Variants in MAP3K20 observed in about 807,000 individuals in gnomAD.
The protein encoded by MAP3K20 is HCCS-4.
In MAP3K20, 40 loss-of-function variants were observed where a neutral mutation model predicts 85.7. The observed-to-expected ratio is 0.47, with a 90% confidence interval of 0.36 to 0.61. MAP3K20 has a LOEUF of 0.61. MAP3K20 is among the 20% of genes least tolerant of loss of function. The pLI is 0.00. For synonymous variants in MAP3K20, 325 were observed against 327.7 expected, an observed-to-expected ratio of 0.99 and a Z score of 0.09; for missense variants, 817 against 961.7, an observed-to-expected ratio of 0.85 and a Z score of 1.99.
At chr2:173,099,850 A>T (rs535613141) in intron 2 of MAP3K20, among the ~76,000 whole-genome samples, 1 of 152,332 alleles carries the variant, frequency 6.6e-6, no homozygotes, top group East Asian at 1.9e-4. Context: ...AGCAGGGCTA[A>T]TGATAGTACC....
At chr2:173,083,710 CACATGATG>C (rs1199075476) in intron 1 of MAP3K20, among the ~76,000 whole-genome samples, 1 of 152,150 alleles carries the variant, frequency 6.6e-6, no homozygotes, top group East Asian at 1.9e-4. Context: ...TCTTTTTATA[CACATGATG>C]ACAAAGCACA....
At chr2:173,226,576 T>C in intron 11 of MAP3K20, 1 of 985,850 alleles carries the variant, frequency 1.0e-6, no homozygotes, top group Non-Finnish European at 1.2e-6. Context: ...TGAGTATCCA[T>C]CAGGAAATCT....
intron 2 of MAP3K20, among the ~76,000 whole-genome samples, chr2:173,148,150 A>G (rs1455891532): frequency 1.3e-5 from 2 of 152,100 alleles, no homozygotes; most frequent in Non-Finnish European, 2.9e-5. Context: ...TTATGCCTCT[A>G]CCCAACTCTC....
chr2:173,243,177 A>G (rs60473458), intron 16 of MAP3K20, among the ~76,000 whole-genome samples: 13,288 of 152,184 alleles, frequency 0.087, 886 homozygotes, highest in African/African-American at 0.18. Flanking sequence ...ACGCTATGGT[A>G]CATACAGAAT....
At chr2:173,184,893 C>T (rs1271270643) in intron 4 of MAP3K20, among the ~76,000 whole-genome samples, 1 of 96,188 alleles carries the variant, frequency 1.0e-5, no homozygotes, top group Non-Finnish European at 2.1e-5. Context: ...CAGAGTGAGA[C>T]TCAGTCTAGA....
chr2:173,128,921 C>CT (rs386391866), intron 2 of MAP3K20, among the ~76,000 whole-genome samples: 54,353 of 115,884 alleles, frequency 0.47, 14,635 homozygotes, highest in African/African-American at 0.64. Flanking sequence ...GAAATCTTTT[C>CT]TTTTTTTTTT....
intron 2 of MAP3K20, chr2:173,160,394 A>G (rs1689622008): frequency 6.6e-6 from 1 of 152,202 alleles, no homozygotes; most frequent in African/African-American, 2.4e-5. Flanking sequence ...CTGGTTTTCC[A>G]TCTTGTCATA....
chr2:173,090,962 T>C (rs1464942239), intron 1 of MAP3K20, 36 bp from the exon 2 acceptor site: 2 of 1,544,486 alleles, frequency 1.3e-6, no homozygotes, highest in South Asian at 2.5e-5. Context: ...CCTAATATAT[T>C]TGTAATTCAG....
chr2:173,264,437 T>C (rs957397915), intron 19 of MAP3K20, among the ~76,000 whole-genome samples: 18 of 152,186 alleles, frequency 1.2e-4, no homozygotes, highest in African/African-American at 4.3e-4. Flanking sequence ...CACAAAGATA[T>C]CACAACGCCC....
At chr2:173,257,179 A>G (rs1685180856) in intron 16 of MAP3K20, among the ~76,000 whole-genome samples, 1 of 152,120 alleles carries the variant, frequency 6.6e-6, no homozygotes, top group African/African-American at 2.4e-5. Flanking sequence ...AATTGTTTTA[A>G]TAATCACTAT....
At chr2:173,078,877 G>T (rs1273065144) in intron 1 of MAP3K20, among the ~76,000 whole-genome samples, 2 of 152,176 alleles carry the variant, frequency 1.3e-5, no homozygotes, top group East Asian at 3.8e-4. Flanking sequence ...TGACTTTGGA[G>T]TCAGGCCTGA....
At chr2:173,100,696 T>TTTA (rs1687613464) in intron 2 of MAP3K20, among the ~76,000 whole-genome samples, 1 of 152,206 alleles carries the variant, frequency 6.6e-6, no homozygotes, top group East Asian at 1.9e-4. Flanking sequence ...ATGTCTGGTT[T>TTTA]TTATAAATGC....
At chr2:173,156,585 C>T (rs1689478643) in intron 2 of MAP3K20, among the ~76,000 whole-genome samples, 1 of 152,150 alleles carries the variant, frequency 6.6e-6, no homozygotes, top group African/African-American at 2.4e-5. Flanking sequence ...CTCATAAAGA[C>T]CGTGCAACCT....
intron 3 of MAP3K20, among the ~76,000 whole-genome samples, chr2:173,172,160 A>G (rs1323743133): frequency 1.3e-5 from 2 of 152,148 alleles, no homozygotes; most frequent in African/African-American, 4.8e-5. Flanking sequence ...ATGAGCACAA[A>G]TAAGTCTTAG....
At chr2:173,224,682 G>T (rs188953135) in intron 11 of MAP3K20, 2 of 985,184 alleles carry the variant, frequency 2.0e-6, no homozygotes, top group Admixed American at 6.2e-5. Context: ...ACCACGTGAC[G>T]TTGGCTCTAT....
chr2:173,107,556 A>G (rs2106168138), intron 2 of MAP3K20, among the ~76,000 whole-genome samples: 1 of 152,330 alleles, frequency 6.6e-6, no homozygotes, highest in African/African-American at 2.4e-5. Flanking sequence ...AAAATAAAAT[A>G]TATGTTTTAA....
At chr2:173,133,592 A>T (rs1006043775) in intron 2 of MAP3K20, among the ~76,000 whole-genome samples, 8 of 152,186 alleles carry the variant, frequency 5.3e-5, no homozygotes, top group Admixed American at 4.6e-4. Context: ...ACAGGAACTC[A>T]CAAGACCAAC....
intron 1 of MAP3K20, among the ~76,000 whole-genome samples, chr2:173,084,177 G>A (rs1329228691): frequency 6.6e-6 from 1 of 152,120 alleles, no homozygotes; most frequent in African/African-American, 2.4e-5. Flanking sequence ...CCAAAATGCT[G>A]GGATTGCAGG....
upstream of MAP3K20, chr2:173,075,643 C>T (rs1686824445): frequency 2.0e-5 from 15 of 736,552 alleles, no homozygotes; most frequent in Non-Finnish European, 2.2e-5. Context: ...GGGAACACCC[C>T]CACGGCCCTC....
Sources: allele counts gnomAD v4.1 joint callset (sites outside exome capture counted in the v4.1 genomes callset), GRCh38; gene constraint gnomAD v4.1.1; transcripts MANE v1.5; gene names NCBI Gene and HGNC (gene_info 2026-07-23, HGNC 2026-07-21).